COL24A1: variants seen among roughly 807,000 people sequenced by gnomAD.
COL24A1 encodes collagen type XXIV alpha 1 chain.
COL24A1 carries 224 observed loss-of-function variants against 253.9 expected under a neutral mutation model. The ratio of observed to expected loss-of-function variants is 0.88; its 90% confidence interval spans 0.79 to 0.99. The LOEUF is 0.99. Among genes scored for constraint, COL24A1 ranks in the 50% least tolerant of loss-of-function variants. COL24A1 has a pLI of 0.00. For missense variants in COL24A1, 2,131 were observed against 2,068.5 expected (o/e 1.03, Z -0.59); for synonymous variants, 685 against 673.7 (o/e 1.02, Z -0.26).
rs529725263 is a variant in COL24A1, at chr1:86,065,610, T to C, written c.1708-1851A>G. ...TAAGTCAGGCCAGTAGCCTATAAAA[T>C]GACTTGGAATAAAGAGTTTTATTTA... On this transcript the variant is annotated intron_variant, in intron 7 of 59. Transcript: ENST00000370571. Among the ~76,000 whole-genome samples, 17 of 152,088 alleles carry C rather than the reference T, an allele frequency of 1.1e-4. No individual in the cohort carries two copies. In the South Asian group the frequency reaches 2.7e-3, roughly 24 times the overall value.
chr1:86,094,245 C>T (rs1703729428), intron 5 of COL24A1, among the ~76,000 whole-genome samples: 1 of 151,962 alleles, frequency 6.6e-6, no homozygotes, highest in African/African-American at 2.4e-5. Flanking sequence ...AACCTATATG[C>T]CCATCAATGA....
At chr1:85,868,286 T>C (rs1035997524) in intron 37 of COL24A1, among the ~76,000 whole-genome samples, 2 of 152,212 alleles carry the variant, frequency 1.3e-5, no homozygotes, top group African/African-American at 4.8e-5. Context: ...CATTCCTTTA[T>C]AAATGCTTTA....
At chr1:85,759,494 T>C (rs1248112714) in intron 55 of COL24A1, among the ~76,000 whole-genome samples, 1 of 152,186 alleles carries the variant, frequency 6.6e-6, no homozygotes, top group Non-Finnish European at 1.5e-5. Flanking sequence ...AGAAATCTTA[T>C]CCTCAATGTT....
chr1:86,044,346 A>G (rs936164842), intron 12 of COL24A1, among the ~76,000 whole-genome samples: 1 of 152,204 alleles, frequency 6.6e-6, no homozygotes, highest in Non-Finnish European at 1.5e-5. Flanking sequence ...ACATGTGGCT[A>G]TAACTGTATT....
intron 14 of COL24A1, among the ~76,000 whole-genome samples, chr1:86,025,061 TA>T (rs766313721): frequency 3.3e-5 from 5 of 152,034 alleles, no homozygotes; most frequent in Admixed American, 1.3e-4. Flanking sequence ...AACTATAAAG[TA>T]AAATTGAATA....
chr1:85,793,939 G>C (rs2101696843), intron 47 of COL24A1, among the ~76,000 whole-genome samples: 1 of 152,000 alleles, frequency 6.6e-6, no homozygotes, highest in South Asian at 2.1e-4. Flanking sequence ...ATAGTATAAA[G>C]ACCTAAAGAA....
chr1:85,847,827 A>G, intron 38 of COL24A1, 55 bp from the exon 39 acceptor site: 1 of 1,085,532 alleles, frequency 9.2e-7, no homozygotes, highest in South Asian at 1.3e-5. Flanking sequence ...TACTTAGATT[A>G]ATTAACTATA....
chr1:85,826,513 G>C (rs1389651553), intron 43 of COL24A1, among the ~76,000 whole-genome samples: 2 of 132,794 alleles, frequency 1.5e-5, no homozygotes, highest in African/African-American at 5.7e-5. Context: ...AATTACCTTG[G>C]GCAGTATGGC....
chr1:86,100,528 G>A (rs1484532684), intron 5 of COL24A1, among the ~76,000 whole-genome samples: 2 of 152,064 alleles, frequency 1.3e-5, no homozygotes, highest in African/African-American at 4.8e-5. Context: ...TAAACTCCTT[G>A]AAATTTCCTG....
At chr1:86,008,896 C>T (rs932843057) in intron 19 of COL24A1, among the ~76,000 whole-genome samples, 3 of 144,126 alleles carry the variant, frequency 2.1e-5, no homozygotes, top group Non-Finnish European at 3.0e-5. Flanking sequence ...ACTATAACAA[C>T]AAAAAAATAA....
At chr1:85,789,192 C>T (rs185872198) in intron 47 of COL24A1, among the ~76,000 whole-genome samples, 39 of 152,244 alleles carry the variant, frequency 2.6e-4, no homozygotes, top group East Asian at 2.3e-3. Flanking sequence ...TTCCTATCCA[C>T]GAGCATGGAA....
Position 85,783,521 on chromosome 1 carries a change from C to T in COL24A1, c.4259G>A (p.Gly1420Asp), listed in dbSNP as rs779227586. The T allele has an allele frequency of 1.9e-6, 3 of 1,613,410 alleles. No homozygotes were observed. Among genetic ancestry groups the T allele is most frequent in the East Asian group, 2.2e-5 (1 of 44,832 alleles). Residue 1420 changes from glycine (G) to aspartate (D), a missense_variant, in exon 51 of 60, where the codon GGT (glycine) becomes GAT (aspartate). Coordinates refer to ENST00000370571, the MANE Select transcript of COL24A1 (RefSeq NM_152890.7). ...TCTGTGTCCAATAGGACCTTTAGGACCTGATATCCCAACAATGCCAGCATC... is the reference window on the plus strand; with the variant it reads ...TCTGTGTCCAATAGGACCTTTAGGATCTGATATCCCAACAATGCCAGCATC... Reference protein sequence around the residue: ...EGDAGIVGISGPKGPIGHRGN... With the variant: ...EGDAGIVGISDPKGPIGHRGN...
At chr1:85,925,220 T>C (rs185933994) in intron 24 of COL24A1, among the ~76,000 whole-genome samples, 2 of 152,098 alleles carry the variant, frequency 1.3e-5, no homozygotes, top group Non-Finnish European at 2.9e-5. Context: ...ACAGGAAGAA[T>C]CAATATCATG....
At chr1:85,910,139 T>A in intron 25 of COL24A1, 136 bp from the exon 26 acceptor site, 2 of 529,164 alleles carry the variant, frequency 3.8e-6, no homozygotes, top group Non-Finnish European at 6.4e-6. Context: ...CAATAATTTT[T>A]AAATTTACAA....
At chr1:86,005,364 A>G (rs941033063) in intron 19 of COL24A1, among the ~76,000 whole-genome samples, 1 of 151,794 alleles carries the variant, frequency 6.6e-6, no homozygotes, top group East Asian at 1.9e-4. Context: ...AGTAAGCTCC[A>G]TAAAGTAAAA....
At chr1:86,008,288 A>T (rs1696153344) in intron 19 of COL24A1, among the ~76,000 whole-genome samples, 1 of 152,110 alleles carries the variant, frequency 6.6e-6, no homozygotes, top group South Asian at 2.1e-4. Flanking sequence ...TCTGTGGCCC[A>T]GGCTGGAGTG....
intron 28 of COL24A1, among the ~76,000 whole-genome samples, chr1:85,906,770 A>G (rs1684878272): frequency 6.6e-6 from 1 of 151,970 alleles, no homozygotes; most frequent in African/African-American, 2.4e-5. Flanking sequence ...ACTTTGATTT[A>G]CAATTAATAA....
intron 5 of COL24A1, among the ~76,000 whole-genome samples, chr1:86,106,361 G>T (rs1258436946): frequency 6.6e-6 from 1 of 151,882 alleles, no homozygotes; most frequent in African/African-American, 2.4e-5. Flanking sequence ...GGTTATTAAG[G>T]CTAGATGTTT....
chr1:85,737,257 A>G (rs1664152304), intron 58 of COL24A1, 139 bp downstream of exon 58: 1 of 502,854 alleles, frequency 2.0e-6, no homozygotes. Flanking sequence ...TAACATATTT[A>G]TTTCTCATAC....
Sources: gnomAD v4.1 joint callset for allele counts (sites outside exome capture counted in the v4.1 genomes callset) on GRCh38, gnomAD v4.1.1 for gene constraint, MANE v1.5 for transcripts, NCBI Gene and HGNC (gene_info 2026-07-23, HGNC 2026-07-21) for gene names.